Variants in YAF2 observed in about 807,000 individuals in gnomAD.
YAF2 encodes the protein YY1 associated factor 2, also known as YY1-associated factor 2.
A neutral mutation model predicts 20.1 loss-of-function variants in YAF2; 7 were observed. The ratio of observed to expected loss-of-function variants is 0.35; its 90% CI spans 0.20 to 0.65. YAF2 has a LOEUF of 0.65. YAF2 is among the 30% of genes least tolerant of loss of function. The pLI, the probability that YAF2 is intolerant of heterozygous loss-of-function variation, is 0.69. For missense variants in YAF2, 151 were observed against 219.2 expected (o/e 0.69, Z 1.96); for synonymous variants, 74 against 76.0 (o/e 0.97, Z 0.14).
chr12:42,217,206 T>C (rs901975145), intron 2 of YAF2, among the ~76,000 whole-genome samples: 4 of 152,344 alleles, frequency 2.6e-5, no homozygotes, highest in African/African-American at 7.2e-5. Flanking sequence ...TAATTGAACA[T>C]GCAGGTAGCT....
chr12:42,164,976 G>A (rs1222760592), intron 2 of YAF2, among the ~76,000 whole-genome samples: 1 of 150,958 alleles, frequency 6.6e-6, no homozygotes, highest in African/African-American at 2.4e-5. Flanking sequence ...AATCGCTTGA[G>A]CCCAGGAGGT....
intron 2 of YAF2, among the ~76,000 whole-genome samples, chr12:42,169,986 T>A (rs1483560315): frequency 1.3e-5 from 2 of 151,912 alleles, no homozygotes; most frequent in East Asian, 3.9e-4. Context: ...TCCTCCTACC[T>A]CAGCCTCCAA....
chr12:42,191,484 GC>G (rs1430976361), intron 2 of YAF2, among the ~76,000 whole-genome samples: 1 of 152,066 alleles, frequency 6.6e-6, no homozygotes, highest in African/African-American at 2.4e-5. Flanking sequence ...GCATAGGTGG[GC>G]TTTGTATTTA....
intron 2 of YAF2, among the ~76,000 whole-genome samples, chr12:42,177,721 A>G (rs987809010): frequency 4.6e-5 from 7 of 152,032 alleles, no homozygotes; most frequent in Admixed American, 3.3e-4. Flanking sequence ...TCCTCTGCCC[A>G]CTCACTCCCT....
At chr12:42,218,186 ACACAC>A (rs1274756292) in intron 2 of YAF2, among the ~76,000 whole-genome samples, 4 of 5,334 alleles carry the variant, frequency 7.5e-4, no homozygotes, top group South Asian at 3.8e-3. Flanking sequence ...CTACTAGGAA[ACACAC>A]ACACACACAC....
At chr12:42,179,423 T>C (rs961786442) in intron 2 of YAF2, among the ~76,000 whole-genome samples, 1 of 152,116 alleles carries the variant, frequency 6.6e-6, no homozygotes, top group Non-Finnish European at 1.5e-5. Context: ...TGAGCCAAGA[T>C]TGCACCACTG....
In YAF2 at chr12:42,213,313, C is replaced by A. The variant is rs563066708; in HGVS notation, c.152+24286G>T. ...GTCTGCTGACAACCACATGAGTGAG[C>A]TTGCAAATGGATCCTTCCTCAGTTG... On this transcript the variant is annotated intron_variant, in intron 2 of 3. Transcript: ENST00000534854. 3.9e-5 allele frequency among the ~76,000 whole-genome samples: 6 copies of A among 152,330 alleles called. 1 individual carries two copies. The South Asian group carries it at 1.2e-3, about 32-fold the overall frequency.
chr12:42,201,942 C>T (rs966503715), intron 2 of YAF2, among the ~76,000 whole-genome samples: 1 of 152,166 alleles, frequency 6.6e-6, no homozygotes, highest in Non-Finnish European at 1.5e-5. Context: ...ATGTCTTTAA[C>T]CTTGATGGTT....
chr12:42,191,439 G>A (rs776310714), intron 2 of YAF2, among the ~76,000 whole-genome samples: 1 of 151,936 alleles, frequency 6.6e-6, no homozygotes, highest in Non-Finnish European at 1.5e-5. Context: ...AATCCCCCTA[G>A]TAATTTTGTT....
intron 2 of YAF2, among the ~76,000 whole-genome samples, chr12:42,166,829 TAAA>T (rs377527943): frequency 2.9e-5 from 4 of 137,844 alleles, no homozygotes; most frequent in Non-Finnish European, 4.8e-5. Context: ...CAATGAAAGT[TAAA>T]AAAAAAAAAA....
At chr12:42,233,836 G>T (rs2137433825) in intron 2 of YAF2, 6 of 985,360 alleles carry the variant, frequency 6.1e-6, no homozygotes, top group Non-Finnish European at 7.2e-6. Context: ...ATTTCCTAAA[G>T]TTTCTTGCAT....
chr12:42,197,034 T>C (rs967814996), intron 2 of YAF2, among the ~76,000 whole-genome samples: 3 of 152,242 alleles, frequency 2.0e-5, no homozygotes, highest in Admixed American at 6.5e-5. Context: ...GTACTTCACA[T>C]TTCATTGTCC....
At chr12:42,236,471 G>A (rs1489394880) in intron 2 of YAF2, among the ~76,000 whole-genome samples, 1 of 152,144 alleles carries the variant, frequency 6.6e-6, no homozygotes, top group Admixed American at 6.5e-5. Context: ...CAAAAAACAA[G>A]CATGTCAAAA....
At chr12:42,173,210 G>A (rs2066095870) in intron 2 of YAF2, among the ~76,000 whole-genome samples, 1 of 152,140 alleles carries the variant, frequency 6.6e-6, no homozygotes, top group Non-Finnish European at 1.5e-5. Flanking sequence ...TTCTTTCTCA[G>A]CCTCTTGAGC....
chr12:42,164,621 T>G (rs1206730135), intron 2 of YAF2, among the ~76,000 whole-genome samples: 1 of 152,052 alleles, frequency 6.6e-6, no homozygotes, highest in African/African-American at 2.4e-5. Context: ...AGAAGTAATC[T>G]GCTTAGTAAC....
intron 2 of YAF2, chr12:42,235,122 GA>G: frequency 3.0e-6 from 3 of 986,216 alleles, no homozygotes; most frequent in Non-Finnish European, 3.6e-6. Context: ...CAATGAGGCA[GA>G]ATCAGTTCAA....
chr12:42,223,705 AT>A (rs1417510778), intron 2 of YAF2, among the ~76,000 whole-genome samples: 6 of 152,090 alleles, frequency 3.9e-5, no homozygotes, highest in Non-Finnish European at 8.8e-5. Flanking sequence ...ATAAAAAAGG[AT>A]GAGTTCATGT....
chr12:42,237,728 C>T lies in YAF2; in HGVS notation c.27-4G>A. On this transcript the variant is annotated splice_polypyrimidine_tract_variant and splice_region_variant and intron_variant, in intron 1 of 3. Transcript: ENST00000534854. ...CGGCTTCGGCTGCCGCTTCGGCCTG[C>T]AGGACACAACCCGGACACGACGCGG... 6.4e-7 allele frequency: 1 copy of T among 1,553,754 alleles called. No individual in the cohort carries two copies. Among genetic ancestry groups the T allele is most frequent in the Non-Finnish European group, 8.7e-7 (1 of 1,152,058 alleles).
intron 2 of YAF2, among the ~76,000 whole-genome samples, chr12:42,229,892 G>A (rs2137403796): frequency 6.6e-6 from 1 of 152,302 alleles, no homozygotes; most frequent in South Asian, 2.1e-4. Flanking sequence ...ATGTCATTAT[G>A]GAGTGCATGA....
Sources: gnomAD v4.1 joint callset for allele counts (sites outside exome capture counted in the v4.1 genomes callset) on GRCh38, gnomAD v4.1.1 for gene constraint, MANE v1.5 for transcripts, NCBI Gene and HGNC (gene_info 2026-07-23, HGNC 2026-07-21) for gene names.